The following SMYD3 variants were observed in gnomAD, a reference collection of about 807,000 sequenced individuals.
SMYD3 encodes histone-lysine N-methyltransferase SMYD3.
Under a neutral mutation model 57.7 loss-of-function variants are expected in SMYD3, and 36 were observed. That is an observed-to-expected ratio of 0.62 (90% confidence interval 0.48 to 0.82). The LOEUF (loss-of-function observed/expected upper bound fraction) is 0.82. Ranked by LOEUF, SMYD3 falls within the 40% of genes least tolerant of loss-of-function variation. The pLI, the probability that SMYD3 is intolerant of heterozygous loss-of-function variation, is 0.00. For synonymous variants in SMYD3, 211 were observed against 195.0 expected (o/e 1.08, Z -0.68); for missense variants, 515 against 538.8 (o/e 0.96, Z 0.44).
chr1:245,885,509 C>T (rs2053041784), intron 8 of SMYD3, among the ~76,000 whole-genome samples: 1 of 152,184 alleles, frequency 6.6e-6, no homozygotes, highest in Non-Finnish European at 1.5e-5. Context: ...AAAGGGAAAA[C>T]CTTACCGAGG....
At chr1:246,210,797 C>A (rs1331692701) in intron 5 of SMYD3, among the ~76,000 whole-genome samples, 1 of 152,076 alleles carries the variant, frequency 6.6e-6, no homozygotes, top group Non-Finnish European at 1.5e-5. Flanking sequence ...AAATTTCTCA[C>A]AGTCTATATA....
rs552110660 is a variant in SMYD3, at chr1:245,924,701, C to T, written c.702+3230G>A. ...TTTCTGAGATGGAGTTTCACTCTGT[C>T]GCCCAGGCTGGAGTGCAATGGTGCG... On this transcript the variant is annotated intron_variant, in intron 7 of 11. Coordinates refer to ENST00000490107, the MANE Select transcript of SMYD3 (RefSeq NM_001167740.2). Among the ~76,000 whole-genome samples, 119 of 147,464 alleles carry T rather than the reference C, an allele frequency of 8.1e-4. 1 individual carries two copies. The South Asian group carries it at 0.012, about 15-fold the overall frequency.
intron 5 of SMYD3, among the ~76,000 whole-genome samples, chr1:246,152,201 T>G (rs1377417601): frequency 6.6e-6 from 1 of 152,062 alleles, no homozygotes; most frequent in Non-Finnish European, 1.5e-5. Context: ...GCAGCCCACA[T>G]CCAGAGGAGA....
chr1:245,818,837 G>C (rs1441463805), intron 10 of SMYD3, among the ~76,000 whole-genome samples: 3 of 150,962 alleles, frequency 2.0e-5, no homozygotes, highest in East Asian at 3.9e-4. Flanking sequence ...TCAACAAGAA[G>C]AGCTAACTAT....
intron 10 of SMYD3, among the ~76,000 whole-genome samples, chr1:245,857,245 C>T (rs1025729309): frequency 2.0e-5 from 3 of 152,230 alleles, no homozygotes; most frequent in African/African-American, 7.2e-5. Flanking sequence ...GGACCTCTGC[C>T]ATCCGCCTGG....
At chr1:245,888,976 T>A (rs2053234874) in intron 8 of SMYD3, among the ~76,000 whole-genome samples, 1 of 152,314 alleles carries the variant, frequency 6.6e-6, no homozygotes, top group East Asian at 1.9e-4. Context: ...TTCCCCAGCT[T>A]CATTCTTCCA....
At chr1:246,446,159 G>C (rs965128564) in intron 1 of SMYD3, among the ~76,000 whole-genome samples, 3 of 152,136 alleles carry the variant, frequency 2.0e-5, no homozygotes, top group Non-Finnish European at 4.4e-5. Flanking sequence ...TAGTGAAGAG[G>C]ATACTGCATT....
At chr1:246,486,150 T>A (rs946060337) in intron 1 of SMYD3, among the ~76,000 whole-genome samples, 2 of 152,222 alleles carry the variant, frequency 1.3e-5, no homozygotes, top group African/African-American at 4.8e-5. Flanking sequence ...TAACTAATCT[T>A]ATAAGGTTGT....
In SMYD3 at chr1:246,330,518, T is replaced by G. The variant is rs1162540624; in HGVS notation, c.356A>C (p.Glu119Ala). The change falls in exon 4 of 12, where the codon GAA (glutamate) becomes GCA (alanine). Residue 119 changes from glutamate (E) to alanine (A), a missense_variant. By Grantham distance (107) the Glu-to-Ala change is moderately radical. Transcript: ENST00000490107. Reference sequence around the variant, plus strand: ...ATAAAATGAGTAAAGCTTCTCTGATTCTGAAGGTGCTCCATCCATCTGTGA... The same window carrying G: ...ATAAAATGAGTAAAGCTTCTCTGATGCTGAAGGTGCTCCATCCATCTGTGA... ...VFKLMDGAPS[E>A]SEKLYSFYDL... The G allele has an allele frequency of 6.3e-7, 1 of 1,595,544 alleles. No homozygotes were observed. The highest frequency in any genetic ancestry group is 1.3e-5 in the African/African-American group (1 of 74,426).
At chr1:246,152,935 T>C (rs938270624) in intron 5 of SMYD3, among the ~76,000 whole-genome samples, 1 of 152,188 alleles carries the variant, frequency 6.6e-6, no homozygotes, top group African/African-American at 2.4e-5. Context: ...ATGTTAGCAA[T>C]TTTTATGTTT....
chr1:246,080,870 A>T (rs765842853), intron 5 of SMYD3, among the ~76,000 whole-genome samples: 9 of 152,218 alleles, frequency 5.9e-5, no homozygotes, highest in South Asian at 2.1e-4. Context: ...GGTTAACAAC[A>T]CTAGGTAGTC....
At chr1:246,229,929 T>C (rs1178358632) in intron 5 of SMYD3, among the ~76,000 whole-genome samples, 1 of 152,198 alleles carries the variant, frequency 6.6e-6, no homozygotes, top group Non-Finnish European at 1.5e-5. Flanking sequence ...CCTAAAACAT[T>C]AAACCTAAAA....
chr1:246,324,573 G>A (rs2065308349), intron 5 of SMYD3, among the ~76,000 whole-genome samples: 1 of 151,950 alleles, frequency 6.6e-6, no homozygotes, highest in African/African-American at 2.4e-5. Context: ...CTTGTTGACA[G>A]CGTAAATTCA....
chr1:246,254,635 A>G (rs777027863), intron 5 of SMYD3, among the ~76,000 whole-genome samples: 1 of 152,082 alleles, frequency 6.6e-6, no homozygotes, highest in Non-Finnish European at 1.5e-5. Flanking sequence ...TTTTGGTTCT[A>G]TGTTAATTTT....
At chr1:245,955,953 C>A (rs979531558) in intron 5 of SMYD3, 1 of 984,792 alleles carries the variant, frequency 1.0e-6, no homozygotes, top group Non-Finnish European at 1.2e-6. Flanking sequence ...TTATAGCTGA[C>A]AGACCTCTTG....
chr1:246,253,734 G>C (rs954254546), intron 5 of SMYD3, among the ~76,000 whole-genome samples: 4 of 152,176 alleles, frequency 2.6e-5, no homozygotes, highest in Non-Finnish European at 5.9e-5. Context: ...AATGAGACTG[G>C]ATTCATTATT....
chr1:246,403,580 C>T (rs1466613375), intron 1 of SMYD3, among the ~76,000 whole-genome samples: 1 of 152,162 alleles, frequency 6.6e-6, no homozygotes, highest in African/African-American at 2.4e-5. Flanking sequence ...TATTCCCTAT[C>T]CTTGCTGCCT....
intron 10 of SMYD3, among the ~76,000 whole-genome samples, chr1:245,828,024 A>C (rs574480681): frequency 6.6e-6 from 1 of 152,360 alleles, no homozygotes; most frequent in Non-Finnish European, 1.5e-5. Context: ...TTAAGGAGAT[A>C]TGAAAGTACT....
At chr1:246,013,753 C>T (rs780001431) in intron 5 of SMYD3, among the ~76,000 whole-genome samples, 58 of 151,964 alleles carry the variant, frequency 3.8e-4, no homozygotes, top group Non-Finnish European at 6.5e-4. Flanking sequence ...AGCACATATA[C>T]GGAGAATTAC....
Sources: allele counts gnomAD v4.1 joint callset (sites outside exome capture counted in the v4.1 genomes callset), GRCh38; gene constraint gnomAD v4.1.1; transcripts MANE v1.5; gene names NCBI Gene and HGNC (gene_info 2026-07-23, HGNC 2026-07-21).